SRCIN1: variants seen among roughly 807,000 people sequenced by gnomAD.
The protein encoded by SRCIN1 is P130Cas-associated protein.
Under a neutral mutation model 116.2 loss-of-function variants are expected in SRCIN1, and 50 were observed. The observed-to-expected ratio is 0.43, with a 90% confidence interval of 0.34 to 0.54. SRCIN1 has a LOEUF of 0.54. Among genes scored for constraint, SRCIN1 ranks in the 20% least tolerant of loss-of-function variants. SRCIN1 has a pLI of 0.02. For synonymous variants in SRCIN1, 736 were observed against 750.0 expected (o/e 0.98, Z 0.30); for missense variants, 1,446 against 1,672.0 (o/e 0.86, Z 2.36).
intron 11 of SRCIN1, among the ~76,000 whole-genome samples, chr17:38,557,651 C>T (rs749053256): frequency 3.3e-5 from 5 of 152,240 alleles, no homozygotes; most frequent in Non-Finnish European, 7.3e-5. Context: ...TTAACCCCTC[C>T]ATGCCTAAGC....
chr17:38,552,622 G>A lies in SRCIN1; in HGVS notation c.2333-28C>T, dbSNP rs1175858162. 1 of 1,612,872 alleles carries A rather than the reference G, an allele frequency of 6.2e-7. No individual in the cohort carries two copies. The highest frequency in any genetic ancestry group is 8.5e-7 in the Non-Finnish European group (1 of 1,179,812). ...GAGGAGACAGGAAGGCATGAGCTGGGGCCAGAGGGAGCACCACAGACTGGG... is the reference window on the plus strand; with the variant it reads ...GAGGAGACAGGAAGGCATGAGCTGGAGCCAGAGGGAGCACCACAGACTGGG... On this transcript the variant is annotated intron_variant, in intron 12 of 18. Transcript: ENST00000617146. The surrounding 1 kb of genome is among the most constrained non-coding windows in gnomAD (Gnocchi z 5.3).
In SRCIN1 at chr17:38,575,528, C is replaced by T. The variant is rs542076841; in HGVS notation, c.324+2962G>A. On this transcript the variant is annotated intron_variant, in intron 2 of 18. Transcript: ENST00000617146. Reference sequence around the variant, plus strand: ...CCTTCCAAAGTGCTGGAATTACAGGCGTGAGCCACTGCGCCCGGCCTCATA... The same window carrying T: ...CCTTCCAAAGTGCTGGAATTACAGGTGTGAGCCACTGCGCCCGGCCTCATA... Among the ~76,000 whole-genome samples, 7 of 152,304 alleles carry T rather than the reference C, an allele frequency of 4.6e-5. No individual in the cohort carries two copies. The South Asian group carries it at 1.0e-3, about 23-fold the overall frequency.
intron 14 of SRCIN1, 106 bp downstream of exon 14, chr17:38,551,780 C>G (rs755587577): frequency 7.7e-5 from 123 of 1,587,422 alleles, no homozygotes; most frequent in Non-Finnish European, 1.0e-4. Context: ...CCTCCTCCCC[C>G]AAGGAAAAAG....
chr17:38,597,706 A>T (rs1908796274), intron 1 of SRCIN1, among the ~76,000 whole-genome samples: 1 of 152,186 alleles, frequency 6.6e-6, no homozygotes, highest in Admixed American at 6.5e-5. Flanking sequence ...CAGGAGCTAA[A>T]CTGTCTCCTA....
Position 38,562,802 on chromosome 17 carries a change from A to G in SRCIN1, c.834+25T>C. The G allele has an allele frequency of 4.4e-6, 7 of 1,606,098 alleles. No individual in the cohort carries two copies. The highest frequency in any genetic ancestry group is 5.1e-6 in the Non-Finnish European group (6 of 1,174,024). Reference sequence around the variant, plus strand: ...GGACCCCATGTGCCCAGCCTCCCCAATGCCCTGGGCATGCCCAGCCATACC... The same window carrying G: ...GGACCCCATGTGCCCAGCCTCCCCAGTGCCCTGGGCATGCCCAGCCATACC... On this transcript the variant is annotated intron_variant, in intron 6 of 18. Transcript: ENST00000617146. The surrounding 1 kb of genome is among the most constrained non-coding windows in gnomAD (Gnocchi z 4.2).
Position 38,568,712 on chromosome 17 carries a change from T to G in SRCIN1, c.325-481A>C, listed in dbSNP as rs555661217. Among the ~76,000 whole-genome samples, 21 of 152,178 alleles carry G rather than the reference T, an allele frequency of 1.4e-4. No homozygotes were observed. Among genetic ancestry groups the G allele is most frequent in the Non-Finnish European group, 2.5e-4 (17 of 67,994 alleles). On this transcript the variant is annotated intron_variant, in intron 2 of 18. Transcript: ENST00000617146. This position sits in a 1 kb window ranked among gnomAD's most constrained non-coding sequence, Gnocchi z 4.5. ...GTGGAGGGGGGTTGAGGCAAGTCAC[T>G]AGTCCACATTGGCTGGGGCGCAGCT... is the stretch of plus-strand genomic sequence containing the variant.
chr17:38,578,909 C>T (rs956665725), intron 1 of SRCIN1, 118 bp from the exon 2 acceptor site: 19 of 1,212,928 alleles, frequency 1.6e-5, no homozygotes, highest in African/African-American at 4.8e-5. Flanking sequence ...AGTGGAGAGG[C>T]GCCCGGGGAG....
chr17:38,567,684 C>A (rs1906811658), intron 3 of SRCIN1, among the ~76,000 whole-genome samples: 1 of 152,062 alleles, frequency 6.6e-6, no homozygotes, highest in African/African-American at 2.4e-5. Flanking sequence ...AAGAAGGCAC[C>A]TATCCCTCAG....
At position 38,562,525 on chromosome 17, in the gene SRCIN1, CACCAGAGGGGTA is replaced by C. The variant is rs1390184199; in HGVS notation, c.835-209_835-198del. 1.3e-5 allele frequency among the ~76,000 whole-genome samples: 2 copies of C among 152,190 alleles called. No individual in the cohort carries two copies. The highest frequency in any genetic ancestry group is 2.9e-5 in the Non-Finnish European group (2 of 68,038). On this transcript the variant is annotated intron_variant, in intron 6 of 18. Coordinates refer to ENST00000617146, the MANE Select transcript of SRCIN1 (RefSeq NM_025248.3). This position sits in a 1 kb window ranked among gnomAD's most constrained non-coding sequence, Gnocchi z 4.2. The stretch of plus-strand genomic sequence containing the variant: ...GAGGAAAAGGTGGCCGATGAAGAGG[CACCAGAGGGGTA>C]ACCCTCAGCTCAGCTACCGTGAGGG...
Position 38,532,658 on chromosome 17 carries a change from G to A in SRCIN1, c.*639C>T, listed in dbSNP as rs1004561387. On this transcript the variant is annotated 3_prime_UTR_variant, in exon 19 of 19. Transcript: ENST00000617146. This position sits in a 1 kb window ranked among gnomAD's most constrained non-coding sequence, Gnocchi z 4.3. ...CTCCGGCCTCGTCTCCAGCCTGTCC[G>A]TCTCTACTCCAGGCCCACTTGGGTG... 3.3e-5 allele frequency: 5 copies of A among 152,362 alleles called. No individual in the cohort carries two copies. Among genetic ancestry groups the A allele is most frequent in the Non-Finnish European group, 5.9e-5 (4 of 68,160 alleles). 9.4% of individuals were successfully genotyped at this position (152,362 alleles called of 1,614,324 possible). A position where few individuals can be genotyped will look rare whatever the true frequency, so the allele number is the denominator to read the frequency against.
chr17:38,580,429 C>A (rs1420524299), intron 1 of SRCIN1, among the ~76,000 whole-genome samples: 1 of 152,138 alleles, frequency 6.6e-6, no homozygotes, highest in African/African-American at 2.4e-5. Context: ...CCGCAGCTCA[C>A]CAGGGCCTGA....
chr17:38,553,134 T>C (rs1374593537), intron 11 of SRCIN1, among the ~76,000 whole-genome samples: 2 of 152,118 alleles, frequency 1.3e-5, no homozygotes, highest in Non-Finnish European at 2.9e-5. Flanking sequence ...CAGGTGCCTG[T>C]AGTCCCAGCT....
At chr17:38,586,585 C>G (rs950349875) in intron 1 of SRCIN1, among the ~76,000 whole-genome samples, 1 of 152,198 alleles carries the variant, frequency 6.6e-6, no homozygotes, top group Non-Finnish European at 1.5e-5. Flanking sequence ...TGGCCTATGA[C>G]CCTGTGGTCT....
At chr17:38,570,896 G>A (rs768361305) in intron 2 of SRCIN1, among the ~76,000 whole-genome samples, 1 of 152,262 alleles carries the variant, frequency 6.6e-6, no homozygotes, top group Non-Finnish European at 1.5e-5. Flanking sequence ...TCACTTGGAT[G>A]CATGAGAGAT....
At chr17:38,597,049 G>C (rs1472703423) in intron 1 of SRCIN1, among the ~76,000 whole-genome samples, 1 of 152,134 alleles carries the variant, frequency 6.6e-6, no homozygotes, top group Non-Finnish European at 1.5e-5. Flanking sequence ...CCCTGGGCTG[G>C]CTCAGACCCA....
chr17:38,568,291 G>T lies in SRCIN1; in HGVS notation c.325-60C>A. ...GGGGGCCCAGGAGGGGAAAAGAGGG[G>T]CAGGGGCAGGTTAGAGACCCTTGGA... On this transcript the variant is annotated intron_variant, in intron 2 of 18. Coordinates refer to ENST00000617146, the MANE Select transcript of SRCIN1 (RefSeq NM_025248.3). The surrounding 1 kb of genome is among the most constrained non-coding windows in gnomAD (Gnocchi z 4.5). 6.5e-7 allele frequency: 1 copy of T among 1,534,158 alleles called. No homozygotes were observed. The highest frequency in any genetic ancestry group is 9.0e-7 in the Non-Finnish European group (1 of 1,114,312).
chr17:38,563,931 C>T lies in SRCIN1; in HGVS notation c.541+187G>A, dbSNP rs1906473859. The T allele has an allele frequency of 3.1e-6, 2 of 646,102 alleles. No individual in the cohort carries two copies. Among genetic ancestry groups the T allele is most frequent in the African/African-American group, 1.9e-5 (1 of 51,756 alleles). The allele number at this position is 646,102 out of a possible 1,614,324, so 40.0% of individuals were successfully genotyped here. ...AGAGGAGGCTTGGAGGGAAAGGGGT[C>T]GGGTGGGGATGCTGAGGGCGAGAGA... On this transcript the variant is annotated intron_variant, in intron 4 of 18. Coordinates refer to ENST00000617146, the MANE Select transcript of SRCIN1 (RefSeq NM_025248.3). The surrounding 1 kb of genome is among the most constrained non-coding windows in gnomAD (Gnocchi z 5.8).
chr17:38,584,408 GA>G (rs1486204551), intron 1 of SRCIN1, among the ~76,000 whole-genome samples: 1 of 152,218 alleles, frequency 6.6e-6, no homozygotes, highest in African/African-American at 2.4e-5. Context: ...TCCAGAATCC[GA>G]ATGAGGGGAA....
intron 18 of SRCIN1, among the ~76,000 whole-genome samples, chr17:38,533,861 T>A (rs1194058085): frequency 6.6e-6 from 1 of 151,292 alleles, no homozygotes; most frequent in Non-Finnish European, 1.5e-5. Flanking sequence ...AGGCTCCTAG[T>A]CCCAAATGGC....
Sources: allele counts gnomAD v4.1 joint callset (sites outside exome capture counted in the v4.1 genomes callset), GRCh38; gene constraint gnomAD v4.1.1; non-coding constraint Gnocchi (gnomAD v3.1); transcripts MANE v1.5; gene names NCBI Gene and HGNC (gene_info 2026-07-23, HGNC 2026-07-21).